Variants in NSUN7 observed in about 807,000 individuals in gnomAD.
NSUN7 encodes the protein NOP2/Sun RNA methyltransferase family member 7.
A neutral mutation model predicts 58.5 loss-of-function variants in NSUN7; 39 were observed. That is an observed-to-expected ratio of 0.67 (90% CI 0.52 to 0.87). The LOEUF is 0.87. Ranked by LOEUF, NSUN7 falls within the 40% of genes least tolerant of loss-of-function variation. The pLI is 0.00. For synonymous variants in NSUN7, 278 were observed against 303.7 expected, an observed-to-expected ratio of 0.92 and a Z score of 0.88; for missense variants, 765 against 844.1, an observed-to-expected ratio of 0.91 and a Z score of 1.16.
chr4:40,764,764 T>C (rs971225858), intron 4 of NSUN7, among the ~76,000 whole-genome samples: 3 of 151,938 alleles, frequency 2.0e-5, no homozygotes, highest in African/African-American at 4.8e-5. Context: ...TTTTTAATGA[T>C]TGCCATTCTA....
At chr4:40,754,211 A>G (rs1484211996) in intron 2 of NSUN7, among the ~76,000 whole-genome samples, 3 of 150,306 alleles carry the variant, frequency 2.0e-5, no homozygotes, top group Non-Finnish European at 4.4e-5. Context: ...TCAATCGCGC[A>G]ATCTCGGTTC....
chr4:40,768,946 C>A lies in NSUN7; in HGVS notation c.489-5319C>A, dbSNP rs779087191. Among the ~76,000 whole-genome samples, 46 of 152,168 alleles carry A rather than the reference C, an allele frequency of 3.0e-4. 2 individuals carry two copies. Among genetic ancestry groups the A allele is most frequent in the Non-Finnish European group, 1.0e-4 (7 of 68,026 alleles). On this transcript the variant is annotated intron_variant, in intron 4 of 11. Transcript: ENST00000381782. ...AGAGAAAGGAGGGGAAAGACTTAGTCAGTTCTTCTTCCAAACCACCCCAAA... is the reference window on the plus strand; with the variant it reads ...AGAGAAAGGAGGGGAAAGACTTAGTAAGTTCTTCTTCCAAACCACCCCAAA...
In NSUN7 at chr4:40,798,987, A is replaced by G. The variant is rs551734100; in HGVS notation, c.1400+83A>G. On this transcript the variant is annotated intron_variant, in intron 10 of 11. Coordinates refer to ENST00000381782, the MANE Select transcript of NSUN7 (RefSeq NM_024677.6). ...ATATTATTTTCTAAGTTGTATAAAGACATTCTACTTTTTAAAATTATACTT... is the reference window on the plus strand; with the variant it reads ...ATATTATTTTCTAAGTTGTATAAAGGCATTCTACTTTTTAAAATTATACTT... 5 of 580,636 alleles carry G rather than the reference A, an allele frequency of 8.6e-6. No individual in the cohort carries two copies. The South Asian group carries it at 1.2e-4, about 13-fold the overall frequency. 36.0% of individuals were successfully genotyped at this position (580,636 alleles called of 1,614,324 possible). A position where few individuals can be genotyped will look rare whatever the true frequency, so the allele number is the denominator to read the frequency against.
At chr4:40,802,274 T>C (rs555946439) in intron 10 of NSUN7, among the ~76,000 whole-genome samples, 1 of 152,210 alleles carries the variant, frequency 6.6e-6, no homozygotes, top group Non-Finnish European at 1.5e-5. Context: ...TTTGGCTCTT[T>C]CTATACTAAT....
chr4:40,795,139 T>C (rs1163766790), intron 9 of NSUN7, among the ~76,000 whole-genome samples: 5 of 152,202 alleles, frequency 3.3e-5, no homozygotes. Context: ...GGTGTATCAG[T>C]GTTAGCAAAT....
chr4:40,780,792 C>CACAA (rs1279795326), intron 7 of NSUN7, among the ~76,000 whole-genome samples: 1 of 98,758 alleles, frequency 1.0e-5, no homozygotes, highest in Non-Finnish European at 1.9e-5. Context: ...CACACATACA[C>CACAA]ATATATATAT....
chr4:40,777,333 T>A (rs949081553), intron 7 of NSUN7, among the ~76,000 whole-genome samples: 5 of 151,788 alleles, frequency 3.3e-5, no homozygotes, highest in Admixed American at 3.3e-4. Context: ...TTTTTTTAAA[T>A]TTTTTTTTAT....
At position 40,750,136 on chromosome 4, in the gene NSUN7, AC is replaced by A. The variant is rs1740729482; in HGVS notation, c.-250del. 1.3e-5 allele frequency: 2 copies of A among 150,734 alleles called. No individual in the cohort carries two copies. Among genetic ancestry groups the A allele is most frequent in the East Asian group, 2.0e-4 (1 of 5,098 alleles). 9.3% of individuals were successfully genotyped at this position (150,734 alleles called of 1,614,324 possible). ...AGCGAACCGGGCGCCAGAGGCTGCG[AC>A]CCCCCTGCCCCGAATCCTGCCGGTG... On this transcript the variant is annotated 5_prime_UTR_variant, in exon 1 of 12. Coordinates refer to ENST00000381782, the MANE Select transcript of NSUN7 (RefSeq NM_024677.6).
At chr4:40,796,773 C>T (rs1743341293) in intron 9 of NSUN7, among the ~76,000 whole-genome samples, 2 of 152,192 alleles carry the variant, frequency 1.3e-5, no homozygotes, top group African/African-American at 4.8e-5. Flanking sequence ...CTCTTCATAT[C>T]CCTTTGTCCA....
At chr4:40,767,912 A>G (rs1451822993) in intron 4 of NSUN7, among the ~76,000 whole-genome samples, 1 of 152,156 alleles carries the variant, frequency 6.6e-6, no homozygotes, top group Non-Finnish European at 1.5e-5. Flanking sequence ...AGCTTATGTT[A>G]CAGTTGTATG....
rs754245272 is a variant in NSUN7, at chr4:40,808,515, C to G, written c.1733C>G (p.Ala578Gly). The change falls in exon 12 of 12, where the codon GCT becomes GGT. Residue 578 changes from alanine to glycine, a missense_variant. Coordinates refer to ENST00000381782, the MANE Select transcript of NSUN7 (RefSeq NM_024677.6). ...CTGAATCGAGAAACTAAAGCCAGTG[C>G]TAATCTATCAGAGACTGTAACAAAA... ...EFLNRETKAS[A>G]NLSETVTKPP... 11 of 1,553,518 alleles carry G rather than the reference C, an allele frequency of 7.1e-6. No homozygotes were observed. The highest frequency in any genetic ancestry group is 8.7e-7 in the Non-Finnish European group (1 of 1,147,672).
Position 40,776,061 on chromosome 4 carries a change from A to G in NSUN7, c.838A>G (p.Ser280Gly). Residue 280 changes from serine (S) to glycine (G), a missense_variant, in exon 7 of 12, where the codon AGT becomes GGT. Ser to Gly is a moderately conservative substitution (Grantham distance 56). Transcript: ENST00000381782. ...CATTATCTTACAGGACAAATCTCGAAGTCTTGCTGTCCATTCTGTAAAGGC... is the reference window on the plus strand; with the variant it reads ...CATTATCTTACAGGACAAATCTCGAGGTCTTGCTGTCCATTCTGTAAAGGC... ...YKLIFQDKSR[S>G]LAVHSVKALL... The G allele has an allele frequency of 6.3e-7, 1 of 1,598,994 alleles. No homozygotes were observed. The highest frequency in any genetic ancestry group is 1.8e-5 in the Admixed American group (1 of 56,956).
chr4:40,776,349 T>C (rs972412686), intron 7 of NSUN7, 90 bp downstream of exon 7: 17 of 855,160 alleles, frequency 2.0e-5, no homozygotes, highest in Admixed American at 1.6e-4. Flanking sequence ...TTTTTTGTAA[T>C]GTAAAAGCTC....
rs1334032692 is a variant in NSUN7, at chr4:40,750,959, T to A, written c.266T>A (p.Leu89Ter). The A allele has an allele frequency of 1.2e-6, 2 of 1,614,144 alleles. No individual in the cohort carries two copies. Among genetic ancestry groups the A allele is most frequent in the East Asian group, 4.5e-5 (2 of 44,884 alleles). ...TCTGAGGATCAGTCCTTTCAGCGTTTGTCTTATGAGCTGGCTTTCAGTGCC... is the reference window on the plus strand; with the variant it reads ...TCTGAGGATCAGTCCTTTCAGCGTTAGTCTTATGAGCTGGCTTTCAGTGCC... ...SESEDQSFQR[L>*]SYELAFSALK... Residue 89 changes from leucine to a stop codon, truncating the protein, a stop_gained, in exon 2 of 12, where the codon TTG (leucine) becomes TAG (stop). Transcript: ENST00000381782. LOFTEE classifies it high-confidence loss of function.
rs761448412 is a variant in NSUN7, at chr4:40,799,073, CT to C, written c.1400+198del. 5.9e-4 allele frequency among the ~76,000 whole-genome samples: 45 copies of C among 76,236 alleles called. 2 individuals are homozygous for C. In the South Asian group the frequency reaches 6.3e-3, roughly 11 times the overall value. 50.0% of individuals were successfully genotyped at this position (76,236 alleles called of 152,430 possible). ...AACCAAGATTCCATAGGGCCTTTTT[CT>C]TTTTTTTTTTTTTTTTTTTTTTTTT... On this transcript the variant is annotated intron_variant, in intron 10 of 11. Coordinates refer to ENST00000381782, the MANE Select transcript of NSUN7 (RefSeq NM_024677.6).
At chr4:40,804,354 C>A (rs1743727984) in intron 10 of NSUN7, among the ~76,000 whole-genome samples, 1 of 151,574 alleles carries the variant, frequency 6.6e-6, no homozygotes, top group Non-Finnish European at 1.5e-5. Flanking sequence ...GCAGGAGAAT[C>A]GCTTGAACTA....
At chr4:40,761,335 A>C in intron 4 of NSUN7, 34 bp downstream of exon 4, 2 of 1,554,178 alleles carry the variant, frequency 1.3e-6, no homozygotes, top group Non-Finnish European at 1.8e-6. Context: ...GTTTTATATG[A>C]AACCTACATT....
intron 4 of NSUN7, chr4:40,762,526 G>A (rs1178080790): frequency 1.1e-4 from 16 of 152,194 alleles, no homozygotes; most frequent in Admixed American, 1.0e-3. Context: ...CTTAATATGT[G>A]TTAGCCACTG....
At chr4:40,805,556 C>T (rs1175976744) in intron 10 of NSUN7, among the ~76,000 whole-genome samples, 2 of 152,186 alleles carry the variant, frequency 1.3e-5, no homozygotes, top group East Asian at 1.9e-4. Context: ...GGGTAACTAA[C>T]GTGGGACCTA....
Sources: gnomAD v4.1 joint callset for allele counts (sites outside exome capture counted in the v4.1 genomes callset) on GRCh38, gnomAD v4.1.1 for gene constraint, MANE v1.5 for transcripts, NCBI Gene and HGNC (gene_info 2026-07-23, HGNC 2026-07-21) for gene names.